TLN2: variants seen among roughly 807,000 people sequenced by gnomAD.
The protein encoded by TLN2 is talin 2.
A neutral mutation model predicts 294.7 loss-of-function variants in TLN2; 118 were observed. That is an observed-to-expected ratio of 0.40 (90% confidence interval 0.34 to 0.47). The LOEUF is 0.47. TLN2 is among the 20% of genes least tolerant of loss of function. The pLI is 0.84. For synonymous variants in TLN2, 1,431 were observed against 1,304.5 expected (o/e 1.10, Z -2.09); for missense variants, 3,083 against 3,282.2 (o/e 0.94, Z 1.48).
At chr15:62,469,907 G>C (rs2037367580) in intron 1 of TLN2, among the ~76,000 whole-genome samples, 1 of 152,048 alleles carries the variant, frequency 6.6e-6, no homozygotes, top group South Asian at 2.1e-4. Context: ...AGCTCAAAAT[G>C]GGCATGGCTC....
At chr15:62,506,416 A>G (rs1005610110) in intron 1 of TLN2, among the ~76,000 whole-genome samples, 16 of 152,242 alleles carry the variant, frequency 1.1e-4, no homozygotes, top group African/African-American at 3.6e-4. Context: ...GAGCAAATGC[A>G]TATCTGCATG....
intron 37 of TLN2, among the ~76,000 whole-genome samples, chr15:62,761,476 A>G (rs925517528): frequency 1.6e-4 from 25 of 152,098 alleles, no homozygotes; most frequent in African/African-American, 5.6e-4. Flanking sequence ...TGAGCTACAC[A>G]TTTAATTCTC....
chr15:62,825,061 A>G (rs770974263), intron 54 of TLN2, among the ~76,000 whole-genome samples: 3 of 152,124 alleles, frequency 2.0e-5, no homozygotes, highest in Non-Finnish European at 4.4e-5. Context: ...GACACAGGAG[A>G]GGGTCCTGTA....
At chr15:62,472,382 A>G (rs1435621829) in intron 1 of TLN2, among the ~76,000 whole-genome samples, 1 of 152,096 alleles carries the variant, frequency 6.6e-6, no homozygotes, top group Non-Finnish European at 1.5e-5. Flanking sequence ...CACCCACGCT[A>G]GTGTGAGTTC....
At chr15:62,427,505 G>A (rs1232993019) in intron 1 of TLN2, among the ~76,000 whole-genome samples, 1 of 152,122 alleles carries the variant, frequency 6.6e-6, no homozygotes, top group Non-Finnish European at 1.5e-5. Context: ...AGGAGGGGGC[G>A]AGGGGGTATG....
intron 1 of TLN2, among the ~76,000 whole-genome samples, chr15:62,431,187 C>T (rs1329629060): frequency 6.6e-6 from 1 of 152,102 alleles, no homozygotes; most frequent in Non-Finnish European, 1.5e-5. Context: ...CATAGTGTCC[C>T]CAGTCCTTGG....
chr15:62,594,264 T>C (rs1259422734), intron 2 of TLN2, among the ~76,000 whole-genome samples: 2 of 152,228 alleles, frequency 1.3e-5, no homozygotes, highest in African/African-American at 4.8e-5. Context: ...GCTGGAGTGC[T>C]GTGGTGAGTC....
intron 1 of TLN2, among the ~76,000 whole-genome samples, chr15:62,517,866 G>A (rs28533938): frequency 0.014 from 2,072 of 152,118 alleles, 48 homozygotes; most frequent in African/African-American, 0.047. Flanking sequence ...TCCCAGCTCT[G>A]CCACTTACTT....
At chr15:62,630,693 C>T (rs931878185) in intron 3 of TLN2, among the ~76,000 whole-genome samples, 1 of 151,842 alleles carries the variant, frequency 6.6e-6, no homozygotes, top group African/African-American at 2.4e-5. Flanking sequence ...ATTTGAGTTC[C>T]ACCGTTACCT....
intron 3 of TLN2, among the ~76,000 whole-genome samples, chr15:62,626,073 G>A (rs2049262825): frequency 6.6e-6 from 1 of 152,198 alleles, no homozygotes; most frequent in South Asian, 2.1e-4. Flanking sequence ...TCATCTTAAT[G>A]ACTTGCAAGC....
intron 14 of TLN2, among the ~76,000 whole-genome samples, chr15:62,695,726 T>C (rs1051094314): frequency 2.0e-5 from 3 of 152,226 alleles, no homozygotes; most frequent in African/African-American, 7.2e-5. Context: ...AAACTTGATA[T>C]GATAAGTTTC....
Position 62,422,008 on chromosome 15 carries a change from C to T in TLN2, c.-238+31323C>T, listed in dbSNP as rs191223764. The stretch of plus-strand genomic sequence containing the variant: ...AGGTGCAGTAGCTCACACCTGTAAT[C>T]CCAGCACTTTGGGAGGCCGAGGCAG... On this transcript the variant is annotated intron_variant, in intron 1 of 58. Coordinates refer to ENST00000636159, the MANE Select transcript of TLN2 (RefSeq NM_015059.3). Among the ~76,000 whole-genome samples, 77 of 152,044 alleles carry T rather than the reference C, an allele frequency of 5.1e-4. 2 individuals are homozygous for T. Among genetic ancestry groups the T allele is most frequent in the South Asian group, 4.8e-3 (23 of 4,794 alleles).
chr15:62,686,597 G>A, intron 11 of TLN2, 44 bp from the exon 12 acceptor site: 1 of 1,578,232 alleles, frequency 6.3e-7, no homozygotes, highest in Non-Finnish European at 8.6e-7. Context: ...AAAGTCAGAT[G>A]TATTCAGAAG....
At chr15:62,474,008 C>T (rs1048943294) in intron 1 of TLN2, among the ~76,000 whole-genome samples, 2 of 152,028 alleles carry the variant, frequency 1.3e-5, no homozygotes, top group African/African-American at 2.4e-5. Context: ...GCAGAAAAAT[C>T]GCTTGAACCC....
At chr15:62,570,487 T>G (rs557470785) in intron 1 of TLN2, among the ~76,000 whole-genome samples, 1 of 152,310 alleles carries the variant, frequency 6.6e-6, no homozygotes, top group South Asian at 2.1e-4. Context: ...TAAAGGATGT[T>G]TGGAAGGCAG....
intron 1 of TLN2, among the ~76,000 whole-genome samples, chr15:62,493,427 A>C (rs1234735573): frequency 6.6e-6 from 1 of 151,934 alleles, no homozygotes; most frequent in Non-Finnish European, 1.5e-5. Flanking sequence ...CCTGGCTCAT[A>C]ATCACTCATA....
At chr15:62,425,348 G>C (rs2034652082) in intron 1 of TLN2, among the ~76,000 whole-genome samples, 2 of 152,260 alleles carry the variant, frequency 1.3e-5, no homozygotes, top group South Asian at 4.1e-4. Flanking sequence ...ATCTCCAGCA[G>C]ATTCTCTTGT....
intron 2 of TLN2, among the ~76,000 whole-genome samples, chr15:62,601,341 G>A (rs1398389350): frequency 6.6e-6 from 1 of 152,156 alleles, no homozygotes; most frequent in Non-Finnish European, 1.5e-5. Context: ...AAACCCCACT[G>A]TAGTTTTTTG....
chr15:62,737,196 T>TGCTTTGGAA, intron 29 of TLN2, 110 bp downstream of exon 29: 1 of 1,149,702 alleles, frequency 8.7e-7, no homozygotes, highest in Non-Finnish European at 1.2e-6. Context: ...ACACAGCAGA[T>TGCTTTGGAA]GTTTTCAGAA....
Sources: gnomAD v4.1 joint callset for allele counts (sites outside exome capture counted in the v4.1 genomes callset) on GRCh38, gnomAD v4.1.1 for gene constraint, MANE v1.5 for transcripts, NCBI Gene and HGNC (gene_info 2026-07-23, HGNC 2026-07-21) for gene names.